The following CNTNAP2 variants were observed in gnomAD, a reference collection of about 807,000 sequenced individuals.
CNTNAP2 encodes the protein contactin-associated protein-like 2.
A neutral mutation model predicts 155.2 loss-of-function variants in CNTNAP2; 98 were observed. The ratio of observed to expected loss-of-function variants is 0.63; its 90% CI spans 0.54 to 0.75. The LOEUF is 0.75. Ranked by LOEUF, CNTNAP2 falls within the 30% of genes least tolerant of loss-of-function variation. CNTNAP2 has a pLI of 0.00. For synonymous variants in CNTNAP2, 651 were observed against 631.2 expected (o/e 1.03, Z -0.47); for missense variants, 1,727 against 1,688.1 (o/e 1.02, Z -0.40).
chr7:146,127,666 ACTGT>A (rs1192750932), intron 1 of CNTNAP2, among the ~76,000 whole-genome samples: 2 of 152,142 alleles, frequency 1.3e-5, no homozygotes, highest in Non-Finnish European at 2.9e-5. Flanking sequence ...CCCAAGCCTG[ACTGT>A]CCTTTCCACA....
chr7:147,330,244 C>A (rs889599848), intron 9 of CNTNAP2, among the ~76,000 whole-genome samples: 2 of 152,138 alleles, frequency 1.3e-5, no homozygotes, highest in African/African-American at 4.8e-5. Flanking sequence ...GATGAACACA[C>A]AGAGGTGCTA....
At chr7:147,294,178 CT>C (rs1312104434) in intron 8 of CNTNAP2, among the ~76,000 whole-genome samples, 1 of 152,162 alleles carries the variant, frequency 6.6e-6, no homozygotes, top group Non-Finnish European at 1.5e-5. Context: ...TAAGGCAATT[CT>C]CCATTTTCCC....
chr7:148,129,317 G>A (rs1391773936), intron 16 of CNTNAP2, among the ~76,000 whole-genome samples: 3 of 152,160 alleles, frequency 2.0e-5, no homozygotes, highest in African/African-American at 7.2e-5. Flanking sequence ...ATACATGACG[G>A]TATGTCCTGA....
At chr7:147,006,775 T>C (rs1265867246) in intron 3 of CNTNAP2, among the ~76,000 whole-genome samples, 3 of 152,112 alleles carry the variant, frequency 2.0e-5, no homozygotes, top group East Asian at 1.9e-4. Context: ...CATTTTACTA[T>C]GTTTCCTTGT....
chr7:147,031,774 C>T (rs182900935), intron 3 of CNTNAP2, among the ~76,000 whole-genome samples: 5 of 152,210 alleles, frequency 3.3e-5, no homozygotes, highest in African/African-American at 4.8e-5. Context: ...AAAAATTAGC[C>T]GGGCGTGGTG....
rs527647529 is a variant in CNTNAP2, at chr7:148,312,155, G to A, written c.3475+45029G>A. On this transcript the variant is annotated intron_variant, in intron 21 of 23. Transcript: ENST00000361727. ...AGCTGCATGCAGACATGAGGGCTAG[G>A]CTAAAACAGTAAGGTCATAGTTGTT... 2.6e-4 allele frequency among the ~76,000 whole-genome samples: 39 copies of A among 152,290 alleles called. No homozygotes were observed. In the South Asian group the frequency reaches 3.5e-3, roughly 14 times the overall value.
intron 1 of CNTNAP2, among the ~76,000 whole-genome samples, chr7:146,449,389 T>C (rs1796446247): frequency 1.3e-5 from 2 of 152,126 alleles, no homozygotes; most frequent in South Asian, 4.1e-4. Context: ...ATTTCTGGGT[T>C]ATTGGCTTCT....
At chr7:146,137,005 A>G (rs186617829) in intron 1 of CNTNAP2, among the ~76,000 whole-genome samples, 215 of 152,318 alleles carry the variant, frequency 1.4e-3, no homozygotes, top group Non-Finnish European at 2.5e-3. Flanking sequence ...GATTACTACA[A>G]GAAAAACGAA....
chr7:148,011,879 C>T (rs545177230), intron 15 of CNTNAP2, among the ~76,000 whole-genome samples: 96 of 152,282 alleles, frequency 6.3e-4, no homozygotes, highest in Middle Eastern at 3.4e-3. Flanking sequence ...TTTCCTAGAA[C>T]ATCCTATCAT....
At chr7:147,841,773 T>C (rs541369774) in intron 13 of CNTNAP2, among the ~76,000 whole-genome samples, 6 of 152,302 alleles carry the variant, frequency 3.9e-5, no homozygotes, top group Admixed American at 3.3e-4. Flanking sequence ...TATACATAAA[T>C]ATAAAATATA....
At chr7:147,921,898 G>A (rs1722919118) in intron 14 of CNTNAP2, among the ~76,000 whole-genome samples, 1 of 152,132 alleles carries the variant, frequency 6.6e-6, no homozygotes, top group Admixed American at 6.5e-5. Context: ...ATGGGGGGTA[G>A]GAATTCAATG....
At chr7:146,439,173 T>C (rs1381830369) in intron 1 of CNTNAP2, among the ~76,000 whole-genome samples, 2 of 151,568 alleles carry the variant, frequency 1.3e-5, no homozygotes, top group Non-Finnish European at 2.9e-5. Context: ...AGAAGGGGAC[T>C]ATGTATCCCT....
chr7:146,432,556 A>C (rs1259731721), intron 1 of CNTNAP2, among the ~76,000 whole-genome samples: 1 of 152,136 alleles, frequency 6.6e-6, no homozygotes, highest in African/African-American at 2.4e-5. Context: ...TTTTCAAGTG[A>C]TTTTGAAAAT....
intron 12 of CNTNAP2, among the ~76,000 whole-genome samples, chr7:147,605,875 C>T (rs1228898198): frequency 2.0e-5 from 3 of 151,828 alleles, no homozygotes; most frequent in Non-Finnish European, 4.4e-5. Context: ...CTCTTTCTCT[C>T]TGTCCCTCTT....
chr7:147,682,425 T>C (rs1465425691), intron 13 of CNTNAP2, among the ~76,000 whole-genome samples: 5 of 151,982 alleles, frequency 3.3e-5, no homozygotes, highest in African/African-American at 1.2e-4. Context: ...TACATGTGTA[T>C]GGTATTTTAT....
At chr7:147,556,317 T>C (rs1308616669) in intron 11 of CNTNAP2, among the ~76,000 whole-genome samples, 1 of 152,106 alleles carries the variant, frequency 6.6e-6, no homozygotes, top group African/African-American at 2.4e-5. Context: ...TTCCATACAT[T>C]ATTTATATAA....
intron 1 of CNTNAP2, among the ~76,000 whole-genome samples, chr7:146,293,776 A>G (rs1434824981): frequency 2.0e-5 from 3 of 151,990 alleles, no homozygotes; most frequent in Non-Finnish European, 4.4e-5. Context: ...AAAAATAACT[A>G]TTATTAATAT....
chr7:147,080,045 A>C (rs73469055), intron 4 of CNTNAP2, among the ~76,000 whole-genome samples: 36 of 146,142 alleles, frequency 2.5e-4, no homozygotes, highest in African/African-American at 9.0e-4. Context: ...CTTATATACT[A>C]ATTGGTTAGA....
At chr7:147,021,334 C>A (rs1246038448) in intron 3 of CNTNAP2, among the ~76,000 whole-genome samples, 1 of 152,160 alleles carries the variant, frequency 6.6e-6, no homozygotes, top group Non-Finnish European at 1.5e-5. Flanking sequence ...TCACTCTCAG[C>A]ATCCCACATA....
Sources: gnomAD v4.1 joint callset for allele counts (sites outside exome capture counted in the v4.1 genomes callset) on GRCh38, gnomAD v4.1.1 for gene constraint, MANE v1.5 for transcripts, NCBI Gene and HGNC (gene_info 2026-07-23, HGNC 2026-07-21) for gene names.